Variants in ZNF804B observed in about 807,000 individuals in gnomAD.
The protein encoded by ZNF804B is zinc finger protein 804B.
ZNF804B carries 80 observed loss-of-function variants against 101.4 expected under a neutral mutation model. The observed-to-expected ratio is 0.79, with a 90% confidence interval of 0.66 to 0.95. The LOEUF (loss-of-function observed/expected upper bound fraction) is 0.95, where lower values mean the gene tolerates loss of function less well. Among genes scored for constraint, ZNF804B ranks in the 40% least tolerant of loss-of-function variants. The pLI, the probability that ZNF804B is intolerant of heterozygous loss-of-function variation, is 0.00. For synonymous variants in ZNF804B, 622 were observed against 558.8 expected (o/e 1.11, Z -1.59); for missense variants, 1,673 against 1,561.9 (o/e 1.07, Z -1.20).
intron 1 of ZNF804B, among the ~76,000 whole-genome samples, chr7:88,992,504 C>T (rs1288954189): frequency 1.3e-5 from 2 of 152,048 alleles, no homozygotes; most frequent in Admixed American, 1.3e-4. Context: ...GTTTTCTACT[C>T]AGGATGTCAT....
intron 2 of ZNF804B, among the ~76,000 whole-genome samples, chr7:89,283,247 A>C (rs371672708): frequency 6.6e-6 from 1 of 152,288 alleles, no homozygotes; most frequent in East Asian, 1.9e-4. Flanking sequence ...TCTAAAACTG[A>C]CACTACTGAA....
chr7:88,832,956 T>G (rs530731310), intron 1 of ZNF804B, among the ~76,000 whole-genome samples: 37 of 151,984 alleles, frequency 2.4e-4, no homozygotes, highest in Admixed American at 7.9e-4. Flanking sequence ...GAATTTAGGC[T>G]GGACCATCGA....
At chr7:88,878,937 C>A (rs1382594558) in intron 1 of ZNF804B, among the ~76,000 whole-genome samples, 1 of 152,128 alleles carries the variant, frequency 6.6e-6, no homozygotes, top group Non-Finnish European at 1.5e-5. Flanking sequence ...ATACCTTATG[C>A]TTCCGCTCCT....
chr7:88,785,103 CA>C (rs1052709995), intron 1 of ZNF804B, among the ~76,000 whole-genome samples: 2 of 152,102 alleles, frequency 1.3e-5, no homozygotes, highest in Non-Finnish European at 2.9e-5. Flanking sequence ...GGAAATACAT[CA>C]AACTCTGTAT....
intron 1 of ZNF804B, among the ~76,000 whole-genome samples, chr7:88,821,386 C>T (rs1380226789): frequency 6.6e-6 from 1 of 152,142 alleles, no homozygotes; most frequent in African/African-American, 2.4e-5. Context: ...TCGATATTTT[C>T]AGTTGTTTTT....
chr7:88,939,148 G>A (rs1478753435), intron 1 of ZNF804B, among the ~76,000 whole-genome samples: 3 of 151,964 alleles, frequency 2.0e-5, no homozygotes, highest in African/African-American at 4.8e-5. Context: ...ATTGGGGATT[G>A]TTTTCAGGAA....
intron 1 of ZNF804B, among the ~76,000 whole-genome samples, chr7:88,798,046 CTT>C (rs539101547): frequency 2.5e-3 from 374 of 152,086 alleles, no homozygotes; most frequent in Middle Eastern, 6.8e-3. Flanking sequence ...TTGTGCACTG[CTT>C]TTTCCAAATC....
chr7:88,861,338 G>C (rs746250331), intron 1 of ZNF804B, among the ~76,000 whole-genome samples: 1 of 152,132 alleles, frequency 6.6e-6, no homozygotes, highest in Non-Finnish European at 1.5e-5. Flanking sequence ...AAGCCAGGAG[G>C]CTTCTGAAAC....
intron 1 of ZNF804B, among the ~76,000 whole-genome samples, chr7:88,809,757 G>A (rs1180389792): frequency 1.3e-5 from 2 of 152,178 alleles, no homozygotes; most frequent in Admixed American, 1.3e-4. Flanking sequence ...AATGTGAGGA[G>A]ATAGAAGTCA....
intron 1 of ZNF804B, among the ~76,000 whole-genome samples, chr7:89,042,613 C>G (rs1048053439): frequency 6.6e-6 from 1 of 152,040 alleles, no homozygotes; most frequent in African/African-American, 2.4e-5. Flanking sequence ...GGGTAAAAAG[C>G]TTTCACTGTA....
At chr7:89,178,655 ATCATT>A (rs1263877350) in intron 1 of ZNF804B, among the ~76,000 whole-genome samples, 4 of 152,114 alleles carry the variant, frequency 2.6e-5, no homozygotes, top group African/African-American at 9.6e-5. Flanking sequence ...ATTATTTTTG[ATCATT>A]TCATCTTTAA....
intron 1 of ZNF804B, among the ~76,000 whole-genome samples, chr7:88,859,006 A>G (rs1180746858): frequency 1.3e-5 from 2 of 152,084 alleles, no homozygotes; most frequent in Admixed American, 1.3e-4. Context: ...GGATATATAA[A>G]TGAACACCAT....
At chr7:89,297,268 G>A (rs1405355844) in intron 2 of ZNF804B, among the ~76,000 whole-genome samples, 1 of 151,916 alleles carries the variant, frequency 6.6e-6, no homozygotes, top group Non-Finnish European at 1.5e-5. Context: ...AAATATGTGT[G>A]TTTTTATGTT....
At chr7:89,143,965 T>C (rs1036850268) in intron 1 of ZNF804B, among the ~76,000 whole-genome samples, 2 of 152,004 alleles carry the variant, frequency 1.3e-5, no homozygotes, top group African/African-American at 4.8e-5. Context: ...AGTAGCTATA[T>C]TCTCTCCAAT....
At chr7:89,049,478 A>G (rs1789162355) in intron 1 of ZNF804B, among the ~76,000 whole-genome samples, 1 of 152,132 alleles carries the variant, frequency 6.6e-6, no homozygotes, top group Admixed American at 6.6e-5. Context: ...TAATGTGAAT[A>G]CTTACACCAC....
At chr7:88,907,250 G>A (rs567700303) in intron 1 of ZNF804B, among the ~76,000 whole-genome samples, 2 of 152,032 alleles carry the variant, frequency 1.3e-5, no homozygotes, top group East Asian at 1.9e-4. Flanking sequence ...TAGGTCCCTC[G>A]AAGATAGCAC....
At chr7:89,313,453 A>G (rs1288244213) in intron 2 of ZNF804B, among the ~76,000 whole-genome samples, 1 of 152,216 alleles carries the variant, frequency 6.6e-6, no homozygotes, top group Admixed American at 6.5e-5. Flanking sequence ...GTTGAAAGAA[A>G]GTGGTTACTG....
chr7:88,762,602 C>T lies in ZNF804B; in HGVS notation c.108+2518C>T, dbSNP rs566934983. Among the ~76,000 whole-genome samples the T allele has an allele frequency of 1.2e-4, 18 of 152,014 alleles. No individual in the cohort carries two copies. The South Asian group carries it at 1.7e-3, about 14-fold the overall frequency. ...CATTCCCCAGTTATTTTCAGGTTGA[C>T]ATAACTTTATTGATTTTTTTCCTTT... On this transcript the variant is annotated intron_variant, in intron 1 of 3. Transcript: ENST00000333190.
In ZNF804B at chr7:89,321,465, C is replaced by T. The variant is rs147726402; in HGVS notation, c.250-5879C>T. Among the ~76,000 whole-genome samples the T allele has an allele frequency of 1.1e-3, 160 of 151,968 alleles. 1 individual carries two copies. The highest frequency in any genetic ancestry group is 3.1e-3 in the African/African-American group (129 of 41,440). On this transcript the variant is annotated intron_variant, in intron 2 of 3. Coordinates refer to ENST00000333190, the MANE Select transcript of ZNF804B (RefSeq NM_181646.5). ...CTGTACTCCAGCTTGGGCAACAGAG[C>T]GAGACCCCATCTCAAAAAATAATAA...
Sources: gnomAD v4.1 joint callset for allele counts (sites outside exome capture counted in the v4.1 genomes callset) on GRCh38, gnomAD v4.1.1 for gene constraint, MANE v1.5 for transcripts, NCBI Gene and HGNC (gene_info 2026-07-23, HGNC 2026-07-21) for gene names.